Variants in SGIP1 observed in about 807,000 individuals in gnomAD.
The protein encoded by SGIP1 is SH3GL interacting endocytic adaptor 1.
SGIP1 carries 38 observed loss-of-function variants against 107.5 expected under a neutral mutation model. The observed-to-expected ratio is 0.35, with a 90% confidence interval of 0.27 to 0.46. The LOEUF is 0.46. Ranked by LOEUF, SGIP1 falls within the 20% of genes least tolerant of loss-of-function variation. The pLI is 1.00. For missense variants in SGIP1, 929 were observed against 1,019.5 expected, an observed-to-expected ratio of 0.91 and a Z score of 1.21; for synonymous variants, 365 against 366.1, an observed-to-expected ratio of 1.00 and a Z score of 0.03.
At chr1:66,577,392 T>C (rs1424443193) in intron 1 of SGIP1, among the ~76,000 whole-genome samples, 1 of 152,188 alleles carries the variant, frequency 6.6e-6, no homozygotes, top group African/African-American at 2.4e-5. Context: ...ACAATTTCTT[T>C]TAATTTACGT....
At chr1:66,734,522 T>G (rs75555860) in intron 21 of SGIP1, among the ~76,000 whole-genome samples, 1 of 150,884 alleles carries the variant, frequency 6.6e-6, no homozygotes, top group Non-Finnish European at 1.5e-5. Flanking sequence ...TTTTTTTTTT[T>G]GAGACAGAGT....
chr1:66,598,823 G>A (rs2065209518), intron 1 of SGIP1, among the ~76,000 whole-genome samples: 1 of 152,134 alleles, frequency 6.6e-6, no homozygotes, highest in Non-Finnish European at 1.5e-5. Flanking sequence ...CTCCAACACT[G>A]GGGATTACAA....
chr1:66,649,876 G>C (rs1391095033), intron 7 of SGIP1, among the ~76,000 whole-genome samples: 1 of 152,060 alleles, frequency 6.6e-6, no homozygotes, highest in African/African-American at 2.4e-5. Context: ...CAAACAAGAG[G>C]GTTCTACCTC....
chr1:66,665,370 A>G (rs1016019276), intron 8 of SGIP1, among the ~76,000 whole-genome samples: 2 of 152,142 alleles, frequency 1.3e-5, no homozygotes, highest in African/African-American at 4.8e-5. Context: ...CCAGTCTATC[A>G]TTGATGGACA....
chr1:66,737,491 G>A (rs1006834105), intron 21 of SGIP1, among the ~76,000 whole-genome samples: 14 of 152,118 alleles, frequency 9.2e-5, no homozygotes, highest in African/African-American at 2.9e-4. Context: ...CCAGGAGTTC[G>A]AGACTAGCCT....
chr1:66,553,307 A>G (rs954039576), intron 1 of SGIP1, among the ~76,000 whole-genome samples: 12 of 152,178 alleles, frequency 7.9e-5, no homozygotes, highest in Non-Finnish European at 1.5e-4. Context: ...CTTTTCATGA[A>G]GCATTTAATT....
At position 66,739,389 on chromosome 1, in the gene SGIP1, T is replaced by C. The variant is rs776185406; in HGVS notation, c.2086T>C (p.Cys696Arg). ...TCTGAACCTGGCAGTGAATTGGCGA[T>C]GTGAGCCTTCAAGCACTGACCTGCG... is the stretch of plus-strand genomic sequence containing the variant. ...TPLNLAVNWRCEPSSTDLRID... is the reference protein window; with the variant it reads ...TPLNLAVNWRREPSSTDLRID... The change falls in exon 22 of 25, where the codon TGT (cysteine) becomes CGT (arginine). Residue 696 changes from cysteine (C) to arginine (R), a missense_variant. By Grantham distance (180) the Cys-to-Arg change is radical. Coordinates refer to ENST00000371037, the MANE Select transcript of SGIP1 (RefSeq NM_032291.4). 11 of 1,610,918 alleles carry C rather than the reference T, an allele frequency of 6.8e-6. No homozygotes were observed. Among genetic ancestry groups the C allele is most frequent in the East Asian group, 2.2e-5 (1 of 44,884 alleles).
intron 7 of SGIP1, chr1:66,660,183 GAAAGAA>G (rs2081084216): frequency 6.7e-6 from 1 of 150,356 alleles, no homozygotes; most frequent in Non-Finnish European, 1.1e-5. Context: ...AAGAAAGAAA[GAAAGAA>G]AGAAAGAAAG....
At chr1:66,612,852 A>G (rs1558068782) in intron 1 of SGIP1, among the ~76,000 whole-genome samples, 1 of 152,224 alleles carries the variant, frequency 6.6e-6, no homozygotes, top group South Asian at 2.1e-4. Flanking sequence ...AAGATTGTCA[A>G]CATTGGTATA....
At chr1:66,673,251 C>T (rs2084295564) in intron 11 of SGIP1, 30 bp from the exon 12 acceptor site, 1 of 1,606,414 alleles carries the variant, frequency 6.2e-7, no homozygotes, top group African/African-American at 1.3e-5. Flanking sequence ...AGCCCTTTCC[C>T]TGTATTTTGC....
chr1:66,660,142 AG>A (rs780991066), intron 7 of SGIP1: 26 of 33,924 alleles, frequency 7.7e-4, no homozygotes, highest in African/African-American at 6.3e-3. Context: ...GAAAGAAAGA[AG>A]AGAGAAAGAA....
chr1:66,645,402 T>C (rs113214849), intron 7 of SGIP1, among the ~76,000 whole-genome samples: 1 of 152,204 alleles, frequency 6.6e-6, no homozygotes, highest in Non-Finnish European at 1.5e-5. Context: ...TACTCTAAGC[T>C]CTTCTCAACA....
At position 66,572,896 on chromosome 1, in the gene SGIP1, A is replaced by G. The variant is rs542885774; in HGVS notation, c.10+38528A>G. Among the ~76,000 whole-genome samples the G allele has an allele frequency of 1.4e-4, 21 of 152,290 alleles. No individual in the cohort carries two copies. The East Asian group carries it at 3.3e-3, about 24-fold the overall frequency. The stretch of plus-strand genomic sequence containing the variant: ...ATTAAAAGGAATGAAGTACTGATAC[A>G]TATACATATTATAACAGGGTAAGCC... On this transcript the variant is annotated intron_variant, in intron 1 of 24. Coordinates refer to ENST00000371037, the MANE Select transcript of SGIP1 (RefSeq NM_032291.4).
In SGIP1 at chr1:66,690,279, A is replaced by T; in HGVS notation, c.1533A>T (p.Ser511=). The T allele has an allele frequency of 6.2e-7, 1 of 1,614,176 alleles. No individual in the cohort carries two copies. The highest frequency in any genetic ancestry group is 8.5e-7 in the Non-Finnish European group (1 of 1,180,012). ...ARAESTSSIS[S]TNSLSAATTP... ...CTGAAAGCACTTCTTCAATATCGTC[A>T]ACCAATTCCTTGAGCGCAGCCACCA... The change falls in exon 17 of 25, where the codon TCA becomes TCT. Residue 511 remains serine, a synonymous_variant. Transcript: ENST00000371037.
intron 1 of SGIP1, among the ~76,000 whole-genome samples, chr1:66,540,134 A>G (rs78540992): frequency 0.16 from 24,744 of 152,214 alleles, 2,183 homozygotes; most frequent in East Asian, 0.35. Flanking sequence ...ATGTATTCTC[A>G]CTGGAGAAAT....
chr1:66,662,629 C>T (rs944810284), intron 8 of SGIP1, among the ~76,000 whole-genome samples: 31 of 152,072 alleles, frequency 2.0e-4, no homozygotes, highest in African/African-American at 7.0e-4. Context: ...TAGAAATATA[C>T]CACATTCTAG....
chr1:66,565,823 C>A (rs1441600052), intron 1 of SGIP1, among the ~76,000 whole-genome samples: 1 of 151,860 alleles, frequency 6.6e-6, no homozygotes, highest in African/African-American at 2.4e-5. Flanking sequence ...CTAAGAATTG[C>A]CTTCGCTCTT....
chr1:66,663,513 C>T lies in SGIP1; in HGVS notation c.471+2989C>T, dbSNP rs60240009. On this transcript the variant is annotated intron_variant, in intron 8 of 24. Transcript: ENST00000371037. ...ATAGCCTAAGCCAGTTTTTGCTCTT[C>T]GGTGGTGGTAACTGACATATATAAA... Among the ~76,000 whole-genome samples the T allele has an allele frequency of 6.5e-3, 985 of 152,146 alleles. 15 individuals carry two copies. Among genetic ancestry groups the T allele is most frequent in the African/African-American group, 0.022 (924 of 41,514 alleles).
chr1:66,669,164 T>A (rs2083227312), intron 9 of SGIP1, among the ~76,000 whole-genome samples: 2 of 152,234 alleles, frequency 1.3e-5, no homozygotes, highest in African/African-American at 4.8e-5. Context: ...ATGTTTTGGT[T>A]GCACTTAACT....
Sources: gnomAD v4.1 joint callset for allele counts (sites outside exome capture counted in the v4.1 genomes callset) on GRCh38, gnomAD v4.1.1 for gene constraint, MANE v1.5 for transcripts, NCBI Gene and HGNC (gene_info 2026-07-23, HGNC 2026-07-21) for gene names.